Variants in TENM1 observed in about 807,000 individuals in gnomAD.
TENM1 encodes the protein teneurin-1.
Under a neutral mutation model 174.8 loss-of-function variants are expected in TENM1, and 35 were observed. That is an observed-to-expected ratio of 0.20 (90% CI 0.15 to 0.27). The LOEUF is 0.27. Among genes scored for constraint, TENM1 ranks in the 10% least tolerant of loss-of-function variants. The pLI is 1.00. For missense variants in TENM1, 1,633 were observed against 2,130.1 expected (o/e 0.77, Z 4.59); for synonymous variants, 781 against 798.7 (o/e 0.98, Z 0.37).
rs1171353831 is a variant in TENM1, at chrX:124,726,389, T to A, written c.776+10568A>T. On this transcript the variant is annotated intron_variant, in intron 4 of 31. Transcript: ENST00000422452. ...ACTGCCTAAGCACAATAGACTTATA[T>A]TTTACTCTCAACATGTAAAACATAT... 2.7e-5 allele frequency among the ~76,000 whole-genome samples: 3 copies of A among 112,641 alleles called. No homozygotes were observed. The East Asian group carries it at 8.3e-4, about 31-fold the overall frequency.
At chrX:125,080,333 G>A in the TENM1 span, among the ~76,000 whole-genome samples, 1 of 111,849 alleles carries the variant, frequency 8.9e-6, no homozygotes, top group Non-Finnish European at 1.9e-5. Context: ...TTGCCTATGT[G>A]CCTCATTAAC....
the TENM1 span, among the ~76,000 whole-genome samples, chrX:125,133,615 T>C: frequency 0.025 from 2,770 of 111,158 alleles, 82 homozygotes; most frequent in African/African-American, 0.086. Context: ...TCAAGGTTTA[T>C]GTTTGGCTTT....
intron 11 of TENM1, among the ~76,000 whole-genome samples, chrX:124,603,645 C>T (rs191269707): frequency 0.01 from 1,132 of 111,713 alleles, 12 homozygotes; most frequent in African/African-American, 0.029. Flanking sequence ...TTGGATACAC[C>T]ACAGTAGTTG....
At chrX:124,873,034 G>A (rs2057138003) in intron 3 of TENM1, among the ~76,000 whole-genome samples, 1 of 111,412 alleles carries the variant, frequency 9.0e-6, no homozygotes, top group Non-Finnish European at 1.9e-5. Flanking sequence ...TTCTATTTAT[G>A]TTAAATTTAA....
At chrX:124,402,931 C>A (rs2060415940) in intron 27 of TENM1, among the ~76,000 whole-genome samples, 1 of 111,181 alleles carries the variant, frequency 9.0e-6, no homozygotes, top group Non-Finnish European at 1.9e-5. Flanking sequence ...GGTTCTCTAA[C>A]TTCCCCATCC....
chrX:124,571,101 T>G (rs1432016839), intron 11 of TENM1, among the ~76,000 whole-genome samples: 1 of 111,907 alleles, frequency 8.9e-6, no homozygotes, highest in Non-Finnish European at 1.9e-5. Flanking sequence ...AAGATTCATC[T>G]ACAAAGCAAG....
At chrX:125,121,362 G>A in the TENM1 span, among the ~76,000 whole-genome samples, 4,029 of 111,408 alleles carry the variant, frequency 0.036, 180 homozygotes, top group African/African-American at 0.12. Context: ...CTCACAAAGG[G>A]GCAGCAGCCA....
At chrX:124,781,325 C>A (rs1461496316) in intron 3 of TENM1, among the ~76,000 whole-genome samples, 2 of 111,524 alleles carry the variant, frequency 1.8e-5, no homozygotes, top group Non-Finnish European at 3.8e-5. Flanking sequence ...AAACACAACT[C>A]TTCCACCAAC....
chrX:124,848,227 C>G (rs1365196511), intron 3 of TENM1, among the ~76,000 whole-genome samples: 5 of 111,099 alleles, frequency 4.5e-5, no homozygotes, highest in Non-Finnish European at 9.5e-5. Context: ...AATGACTACT[C>G]TAATTTATAC....
intron 15 of TENM1, among the ~76,000 whole-genome samples, chrX:124,543,610 C>T (rs774754934): frequency 2.0e-4 from 23 of 112,381 alleles, no homozygotes; most frequent in Admixed American, 5.6e-4. Context: ...ATCAATAATG[C>T]TTCTGTTCAC....
the TENM1 span, among the ~76,000 whole-genome samples, chrX:125,069,767 T>A: frequency 0.012 from 1,375 of 110,918 alleles, 24 homozygotes; most frequent in African/African-American, 0.043. Flanking sequence ...TAAAATAAAA[T>A]AAAAATTTAA....
chrX:124,677,433 G>C (rs1432568153), intron 5 of TENM1, among the ~76,000 whole-genome samples: 1 of 111,253 alleles, frequency 9.0e-6, no homozygotes, highest in African/African-American at 3.3e-5. Flanking sequence ...ATTGCTGATA[G>C]GAGTGTACAG....
chrX:124,397,441 C>T (rs185860199), intron 27 of TENM1, among the ~76,000 whole-genome samples: 1 of 111,700 alleles, frequency 9.0e-6, no homozygotes, highest in African/African-American at 3.3e-5. Flanking sequence ...TTGATTTTCT[C>T]CCCTCCTTAA....
the TENM1 span, among the ~76,000 whole-genome samples, chrX:125,166,340 A>G: frequency 9.0e-6 from 1 of 111,360 alleles, no homozygotes; most frequent in East Asian, 2.8e-4. Context: ...AAGTTTTTCT[A>G]TGTACACTAT....
chrX:124,481,791 T>C (rs1251712012), exon 22 of TENM1: 1 of 1,201,626 alleles, frequency 8.3e-7, no homozygotes, highest in East Asian at 3.0e-5. Flanking sequence ...ATGACTCTGG[T>C]CAAAGGGAAG....
At chrX:124,604,216 G>T (rs772976446) in intron 11 of TENM1, among the ~76,000 whole-genome samples, 1 of 111,397 alleles carries the variant, frequency 9.0e-6, no homozygotes, top group South Asian at 3.8e-4. Flanking sequence ...TGTTTGGATT[G>T]CTCAGCTGTC....
At chrX:125,169,803 G>A in the TENM1 span, among the ~76,000 whole-genome samples, 28 of 106,627 alleles carry the variant, frequency 2.6e-4, no homozygotes, top group Non-Finnish European at 5.8e-5. Flanking sequence ...TTCTTTTTAT[G>A]CCTGGCTTGG....
intron 3 of TENM1, among the ~76,000 whole-genome samples, chrX:124,757,991 T>G (rs1320091750): frequency 1.8e-5 from 2 of 111,920 alleles, no homozygotes; most frequent in Admixed American, 9.5e-5. Context: ...ACAACAGAAT[T>G]TTTTTGAAAA....
intron 25 of TENM1, among the ~76,000 whole-genome samples, chrX:124,410,294 T>G (rs1173932890): frequency 1.8e-5 from 2 of 111,832 alleles, no homozygotes; most frequent in Non-Finnish European, 3.8e-5. Flanking sequence ...TAATAAATGG[T>G]GATGGGAAAA....
Sources: allele counts gnomAD v4.1 joint callset (sites outside exome capture counted in the v4.1 genomes callset), GRCh38; gene constraint gnomAD v4.1.1; transcripts MANE v1.5; gene names NCBI Gene and HGNC (gene_info 2026-07-23, HGNC 2026-07-21).